TMEM132B: variants seen among roughly 807,000 people sequenced by gnomAD.
The protein encoded by TMEM132B is transmembrane protein 132B.
In TMEM132B, 18 loss-of-function variants were observed where a neutral mutation model predicts 90.8. The observed-to-expected ratio is 0.20, with a 90% CI of 0.14 to 0.29. The LOEUF (loss-of-function observed/expected upper bound fraction) is 0.29, where lower values mean the gene tolerates loss of function less well. TMEM132B is among the 10% of genes least tolerant of loss of function. TMEM132B has a pLI of 1.00. For synonymous variants in TMEM132B, 504 were observed against 523.3 expected (o/e 0.96, Z 0.50); for missense variants, 1,096 against 1,326.8 (o/e 0.83, Z 2.70).
chr12:125,188,877 A>G (rs1041385082), intron 1 of TMEM132B, among the ~76,000 whole-genome samples: 14 of 146,984 alleles, frequency 9.5e-5, no homozygotes, highest in African/African-American at 3.5e-4. Context: ...AAAAAAAGAA[A>G]AAAAGAAATT....
chr12:125,626,436 A>G (rs1048990138), intron 5 of TMEM132B, among the ~76,000 whole-genome samples: 4 of 152,140 alleles, frequency 2.6e-5, no homozygotes, highest in Non-Finnish European at 4.4e-5. Flanking sequence ...TGGTAGTTCA[A>G]TTCTTAGGTT....
intron 5 of TMEM132B, among the ~76,000 whole-genome samples, chr12:125,631,282 T>A (rs1886363360): frequency 6.6e-6 from 1 of 152,194 alleles, no homozygotes; most frequent in Non-Finnish European, 1.5e-5. Context: ...AATTTCCATG[T>A]ATTTGCATAG....
Position 125,532,518 on chromosome 12 carries a change from AT to A in TMEM132B, c.1293+12906del, listed in dbSNP as rs35192475. Among the ~76,000 whole-genome samples the A allele has an allele frequency of 9.4e-3, 1,349 of 144,104 alleles. 15 individuals carry two copies. The highest frequency in any genetic ancestry group is 0.032 in the African/African-American group (1,241 of 39,302). 94.5% of individuals were successfully genotyped at this position (144,104 alleles called of 152,430 possible). On this transcript the variant is annotated intron_variant, in intron 4 of 8. Coordinates refer to ENST00000682704, the MANE Select transcript of TMEM132B (RefSeq NM_001366854.1). ...GGTAGTAAAATAATCAGGAAGCTGT[AT>A]TTTTTTTTTTTTCGAGACAGAGTCT...
rs148285306 is a variant in TMEM132B, at chr12:125,557,761, G to A, written c.1294-26090G>A. On this transcript the variant is annotated intron_variant, in intron 4 of 8. Coordinates refer to ENST00000682704, the MANE Select transcript of TMEM132B (RefSeq NM_001366854.1). ...CCGAGACTGATTAGTGGTGTCAAGG[G>A]GAGAAAACAGGGTGATGGGTTAGAC... Among the ~76,000 whole-genome samples the A allele has an allele frequency of 5.8e-3, 884 of 152,282 alleles. 7 individuals are homozygous for A. Among genetic ancestry groups the A allele is most frequent in the African/African-American group, 0.02 (837 of 41,554 alleles).
chr12:125,335,142 C>T (rs1876919855), intron 1 of TMEM132B, among the ~76,000 whole-genome samples: 1 of 152,226 alleles, frequency 6.6e-6, no homozygotes, highest in South Asian at 2.1e-4. Flanking sequence ...CACGTTTCTG[C>T]AGGGTAATTG....
chr12:125,550,494 T>C (rs73220933), intron 4 of TMEM132B, among the ~76,000 whole-genome samples: 20,158 of 152,256 alleles, frequency 0.13, 1,439 homozygotes, highest in South Asian at 0.18. Flanking sequence ...CTCTGACTGA[T>C]ACATTACCAT....
chr12:125,339,838 C>T (rs530785060), intron 1 of TMEM132B, among the ~76,000 whole-genome samples: 2 of 152,228 alleles, frequency 1.3e-5, no homozygotes, highest in Admixed American at 1.3e-4. Flanking sequence ...CTTGAAAGAC[C>T]CTGTCCCAAA....
chr12:125,563,602 A>AAAC (rs1566074999), intron 4 of TMEM132B, among the ~76,000 whole-genome samples: 332 of 78,432 alleles, frequency 4.2e-3, no homozygotes, highest in African/African-American at 0.014. Context: ...AACAAACAAA[A>AAAC]AAAAACCCCA....
intron 5 of TMEM132B, among the ~76,000 whole-genome samples, chr12:125,630,018 A>G (rs996217681): frequency 1.2e-4 from 18 of 152,070 alleles, no homozygotes; most frequent in African/African-American, 4.3e-4. Flanking sequence ...CATCTTTCTA[A>G]TGTATTGTTG....
intron 7 of TMEM132B, among the ~76,000 whole-genome samples, chr12:125,651,712 C>T (rs562540909): frequency 3.0e-4 from 45 of 152,306 alleles, no homozygotes; most frequent in African/African-American, 9.9e-4. Flanking sequence ...GTGCTCAGGG[C>T]ACCATGAGGC....
At chr12:125,500,071 G>A (rs1052707353) in intron 3 of TMEM132B, among the ~76,000 whole-genome samples, 5 of 152,134 alleles carry the variant, frequency 3.3e-5, no homozygotes, top group Non-Finnish European at 5.9e-5. Flanking sequence ...ACCAGAAGGC[G>A]GTGATCCCCC....
chr12:125,546,339 C>T lies in TMEM132B; in HGVS notation c.1293+26714C>T, dbSNP rs141577655. On this transcript the variant is annotated intron_variant, in intron 4 of 8. Transcript: ENST00000682704. ...CTGGGACTACAGGCACCCGCCACCA[C>T]GCCCGGCTAATTTTTTGTATTTTTA... Among the ~76,000 whole-genome samples, 769 of 152,146 alleles carry T rather than the reference C, an allele frequency of 5.1e-3. 8 individuals carry two copies. Among genetic ancestry groups the T allele is most frequent in the African/African-American group, 0.017 (722 of 41,520 alleles).
intron 1 of TMEM132B, among the ~76,000 whole-genome samples, chr12:125,290,048 G>A (rs539803649): frequency 9.1e-4 from 139 of 152,266 alleles, no homozygotes; most frequent in African/African-American, 3.1e-3. Context: ...TGGATATGCC[G>A]TGTGTGTTTT....
At chr12:125,437,999 GAGA>G (rs933759021) in intron 3 of TMEM132B, among the ~76,000 whole-genome samples, 1 of 152,162 alleles carries the variant, frequency 6.6e-6, no homozygotes, top group African/African-American at 2.4e-5. Context: ...CAAAAAGGGG[GAGA>G]AGATTTTTCT....
rs150175840 is a variant in TMEM132B at position 125,350,017 on chromosome 12, C to A, written c.633C>A (p.Ile211=). ...SGLDLEPEEE[I]PALLGGTTME... ...TGGACCTGGAACCAGAGGAGGAGAT[C>A]CCAGCCCTGCTCGGGGGCACCACGA... The change falls in exon 2 of 9, where the codon ATC becomes ATA. Residue 211 remains isoleucine, a synonymous_variant. Transcript: ENST00000682704. The A allele has an allele frequency of 1.2e-6, 2 of 1,614,078 alleles. No individual in the cohort carries two copies. Among genetic ancestry groups the A allele is most frequent in the African/African-American group, 2.7e-5 (2 of 74,934 alleles).
chr12:125,584,379 A>C (rs931388311), intron 5 of TMEM132B: 1 of 193,414 alleles, frequency 5.2e-6, no homozygotes, highest in African/African-American at 2.4e-5. Context: ...AATATTATTT[A>C]CTCAATATAT....
chr12:125,285,523 G>A (rs1203541115), intron 1 of TMEM132B, among the ~76,000 whole-genome samples: 4 of 152,238 alleles, frequency 2.6e-5, no homozygotes, highest in Non-Finnish European at 5.9e-5. Flanking sequence ...GACTGAGCCA[G>A]TGAGAGAGGG....
chr12:125,317,890 G>A (rs111969801), intron 1 of TMEM132B, among the ~76,000 whole-genome samples: 102 of 152,294 alleles, frequency 6.7e-4, no homozygotes, highest in African/African-American at 2.0e-3. Context: ...ATATAAACAC[G>A]AAGACGTGTG....
At chr12:125,357,306 C>T (rs182012245) in intron 2 of TMEM132B, among the ~76,000 whole-genome samples, 1 of 152,306 alleles carries the variant, frequency 6.6e-6, no homozygotes, top group Admixed American at 6.5e-5. Context: ...AAACAATGGG[C>T]TATGCCAGTG....
Sources: allele counts gnomAD v4.1 joint callset (sites outside exome capture counted in the v4.1 genomes callset), GRCh38; gene constraint gnomAD v4.1.1; transcripts MANE v1.5; gene names NCBI Gene and HGNC (gene_info 2026-07-23, HGNC 2026-07-21).